The following CDH12 variants were observed in gnomAD, a reference collection of about 807,000 sequenced individuals.
The protein encoded by CDH12 is cadherin 12.
A neutral mutation model predicts 74.1 loss-of-function variants in CDH12; 41 were observed. The observed-to-expected ratio is 0.55, with a 90% CI of 0.43 to 0.72. CDH12 has a LOEUF of 0.72. CDH12 is among the 30% of genes least tolerant of loss of function. CDH12 has a pLI of 0.00. For missense variants in CDH12, 945 were observed against 977.2 expected (o/e 0.97, Z 0.44); for synonymous variants, 399 against 355.0 (o/e 1.12, Z -1.39).
chr5:22,546,156 G>A (rs1264612282), intron 1 of CDH12, among the ~76,000 whole-genome samples: 9 of 152,086 alleles, frequency 5.9e-5, no homozygotes, highest in Non-Finnish European at 1.3e-4. Context: ...ATGTTGTCCA[G>A]GCTGGTCTTG....
At chr5:22,261,896 C>T (rs1325123025) in intron 3 of CDH12, among the ~76,000 whole-genome samples, 3 of 151,746 alleles carry the variant, frequency 2.0e-5, no homozygotes, top group African/African-American at 7.3e-5. Context: ...AAACAACAAA[C>T]CCAATCTCAG....
intron 1 of CDH12, among the ~76,000 whole-genome samples, chr5:22,530,146 A>G (rs1204112126): frequency 1.3e-5 from 2 of 152,190 alleles, no homozygotes; most frequent in African/African-American, 4.8e-5. Context: ...ACCATCAAAG[A>G]GTAAGTTCCT....
intron 2 of CDH12, among the ~76,000 whole-genome samples, chr5:22,444,802 T>C (rs974390967): frequency 1.1e-4 from 16 of 152,042 alleles, no homozygotes; most frequent in South Asian, 2.1e-4. Context: ...ATATTATTAG[T>C]ATTTTCTAGT....
intron 4 of CDH12, among the ~76,000 whole-genome samples, chr5:22,192,332 G>A (rs1750353817): frequency 6.6e-6 from 1 of 152,146 alleles, no homozygotes; most frequent in Admixed American, 6.5e-5. Flanking sequence ...AATCTCTCAG[G>A]TAATACAAAT....
At chr5:22,390,236 C>T (rs1208434347) in intron 3 of CDH12, among the ~76,000 whole-genome samples, 1 of 152,104 alleles carries the variant, frequency 6.6e-6, no homozygotes, top group African/African-American at 2.4e-5. Flanking sequence ...AGAACCTCGA[C>T]CTTAACACTT....
At chr5:22,666,287 TTTTTTTTTTTTTTTG>T (rs1273597144) in intron 1 of CDH12, among the ~76,000 whole-genome samples, 2 of 84,534 alleles carry the variant, frequency 2.4e-5, no homozygotes, top group Admixed American at 1.3e-4. Flanking sequence ...TCTATCTTTT[TTTTTTTTTTTTTTTG>T]TTTTTGAGAC....
intron 2 of CDH12, among the ~76,000 whole-genome samples, chr5:22,452,160 A>C (rs1745070168): frequency 6.6e-6 from 1 of 152,024 alleles, no homozygotes; most frequent in African/African-American, 2.4e-5. Flanking sequence ...AAAGTGACAT[A>C]GAGGTTCAAC....
intron 1 of CDH12, among the ~76,000 whole-genome samples, chr5:22,575,500 C>G (rs529411669): frequency 5.6e-4 from 85 of 152,232 alleles, no homozygotes; most frequent in African/African-American, 2.0e-3. Flanking sequence ...TCAAGCAATC[C>G]TTCCACATCA....
At chr5:22,220,352 A>G (rs958068415) in intron 3 of CDH12, among the ~76,000 whole-genome samples, 13 of 151,784 alleles carry the variant, frequency 8.6e-5, no homozygotes, top group Non-Finnish European at 1.6e-4. Flanking sequence ...TTGATTAGAC[A>G]TAAATATGAA....
intron 5 of CDH12, among the ~76,000 whole-genome samples, chr5:21,982,914 G>A (rs1171015780): frequency 6.6e-6 from 1 of 150,850 alleles, no homozygotes; most frequent in Non-Finnish European, 1.5e-5. Flanking sequence ...TTTTATTTAT[G>A]TATTTTTTTA....
intron 5 of CDH12, among the ~76,000 whole-genome samples, chr5:21,986,894 C>T (rs943505721): frequency 7.6e-4 from 115 of 152,100 alleles, no homozygotes; most frequent in African/African-American, 2.7e-3. Flanking sequence ...TTTTGACTAA[C>T]CACTGATATG....
chr5:22,650,368 T>C (rs1382247715), intron 1 of CDH12, among the ~76,000 whole-genome samples: 1 of 152,046 alleles, frequency 6.6e-6, no homozygotes, highest in Admixed American at 6.6e-5. Flanking sequence ...CTTTGACCAC[T>C]TAGTTAGTGA....
intron 7 of CDH12, among the ~76,000 whole-genome samples, chr5:21,850,316 G>A (rs1028314133): frequency 1.3e-5 from 2 of 151,346 alleles, no homozygotes; most frequent in South Asian, 2.1e-4. Flanking sequence ...GCCATGAGGA[G>A]GAGCCAGGGG....
At chr5:21,994,456 C>T (rs1259380670) in intron 5 of CDH12, among the ~76,000 whole-genome samples, 2 of 152,140 alleles carry the variant, frequency 1.3e-5, no homozygotes, top group African/African-American at 4.8e-5. Flanking sequence ...AAACAATATT[C>T]GGCCTAAGTG....
chr5:22,450,482 T>C (rs975249590), intron 2 of CDH12, among the ~76,000 whole-genome samples: 2 of 151,932 alleles, frequency 1.3e-5, no homozygotes, highest in African/African-American at 4.8e-5. Flanking sequence ...TCATCTTTTA[T>C]CATTCATATT....
intron 1 of CDH12, among the ~76,000 whole-genome samples, chr5:22,749,135 C>T (rs753240188): frequency 1.3e-5 from 2 of 152,204 alleles, no homozygotes; most frequent in Non-Finnish European, 2.9e-5. Context: ...TGACAACTGA[C>T]TGATGCATTG....
At chr5:22,286,935 T>C (rs1262530320) in intron 3 of CDH12, among the ~76,000 whole-genome samples, 1 of 152,216 alleles carries the variant, frequency 6.6e-6, no homozygotes, top group Non-Finnish European at 1.5e-5. Flanking sequence ...ACAAAGTCCC[T>C]ATATGCATCT....
intron 9 of CDH12, among the ~76,000 whole-genome samples, 173 bp from the exon 10 acceptor site, chr5:21,802,593 CTTTTTTT>C (rs35742047): frequency 2.5e-5 from 3 of 120,194 alleles, no homozygotes; most frequent in Non-Finnish European, 4.9e-5. Flanking sequence ...ATTTTTTTTT[CTTTTTTT>C]TTTTTTTTTG....
chr5:21,945,958 C>T (rs1010687056), intron 6 of CDH12, among the ~76,000 whole-genome samples: 7 of 150,728 alleles, frequency 4.6e-5, no homozygotes, highest in Admixed American at 4.6e-4. Flanking sequence ...ATAGAATACA[C>T]CCAAATACAT....
Sources: allele counts gnomAD v4.1 joint callset (sites outside exome capture counted in the v4.1 genomes callset), GRCh38; gene constraint gnomAD v4.1.1; transcripts MANE v1.5; gene names NCBI Gene and HGNC (gene_info 2026-07-23, HGNC 2026-07-21).